ONECUT2: variants seen among roughly 807,000 people sequenced by gnomAD.
ONECUT2 encodes one cut domain family member 2.
ONECUT2 carries 10 observed loss-of-function variants against 27.9 expected under a neutral mutation model. The observed-to-expected ratio is 0.36, with a 90% confidence interval of 0.22 to 0.61. The LOEUF is 0.61. Among genes scored for constraint, ONECUT2 ranks in the 20% least tolerant of loss-of-function variants. The pLI is 0.73. For synonymous variants in ONECUT2, 334 were observed against 315.1 expected (o/e 1.06, Z -0.64); for missense variants, 686 against 721.0 (o/e 0.95, Z 0.56).
In ONECUT2 at chr18:57,435,697, C is replaced by A; in HGVS notation, c.-20C>A. 9.0e-7 allele frequency: 1 copy of A among 1,110,742 alleles called. No homozygotes were observed. Among genetic ancestry groups the A allele is most frequent in the Admixed American group, 3.8e-5 (1 of 26,108 alleles). The allele number at this position is 1,110,742 out of a possible 1,614,324, so 68.8% of individuals were successfully genotyped here. On this transcript the variant is annotated 5_prime_UTR_variant, in exon 1 of 2. Transcript: ENST00000491143. ...GGCCGCCCCCGCCGCCCCCGCCGCC[C>A]CCGGGCCCTGATGGACTGAATGAAG...
rs1401352041 is a variant in ONECUT2 at position 57,484,581 on chromosome 18, G to C, written c.*7858G>C. On this transcript the variant is annotated 3_prime_UTR_variant, in exon 2 of 2. Coordinates refer to ENST00000491143, the MANE Select transcript of ONECUT2 (RefSeq NM_004852.3). The stretch of plus-strand genomic sequence containing the variant: ...TGATTACAAATTGAGGAAGGAAACT[G>C]GTTGGAAATGGCCTTCAGTCCTAGC... The C allele has an allele frequency of 6.6e-6, 1 of 152,510 alleles. No individual in the cohort carries two copies. Among genetic ancestry groups the C allele is most frequent in the African/African-American group, 2.4e-5 (1 of 41,434 alleles). 9.4% of individuals were successfully genotyped at this position (152,510 alleles called of 1,614,324 possible). A position where few individuals can be genotyped will look rare whatever the true frequency, so the allele number is the denominator to read the frequency against.
rs763864547 is a variant in ONECUT2, at chr18:57,478,623, G to A, written c.*1900G>A. On this transcript the variant is annotated 3_prime_UTR_variant, in exon 2 of 2. Coordinates refer to ENST00000491143, the MANE Select transcript of ONECUT2 (RefSeq NM_004852.3). ...TTGAGACAAAGATAGAAATAAGGAA[G>A]AGCCTCAGTGGCTGCTGCTTCATTT... 10 of 152,656 alleles carry A rather than the reference G, an allele frequency of 6.6e-5. No individual in the cohort carries two copies. The highest frequency in any genetic ancestry group is 1.5e-4 in the Non-Finnish European group (10 of 68,050). The allele number at this position is 152,656 out of a possible 1,614,324, so 9.5% of individuals were successfully genotyped here.
chr18:57,454,454 G>A (rs2050247626), intron 1 of ONECUT2, among the ~76,000 whole-genome samples: 1 of 152,094 alleles, frequency 6.6e-6, no homozygotes, highest in Non-Finnish European at 1.5e-5. Flanking sequence ...TACTAGCTCT[G>A]TGATGTCAGG....
intron 1 of ONECUT2, among the ~76,000 whole-genome samples, chr18:57,470,111 T>G (rs2050345014): frequency 6.6e-6 from 1 of 152,230 alleles, no homozygotes; most frequent in Non-Finnish European, 1.5e-5. Context: ...GTTTGTTGGC[T>G]GGGTGTGTCT....
chr18:57,439,766 C>A (rs1036292575), intron 1 of ONECUT2, among the ~76,000 whole-genome samples: 3 of 152,152 alleles, frequency 2.0e-5, no homozygotes, highest in Non-Finnish European at 4.4e-5. Context: ...ACTCTCAGAC[C>A]GGTGCCTGGA....
rs1404489223 is a variant in ONECUT2 at position 57,490,180 on chromosome 18, A to C, written c.*13457A>C. 6 of 152,170 alleles carry C rather than the reference A, an allele frequency of 3.9e-5. No individual in the cohort carries two copies. The highest frequency in any genetic ancestry group is 8.8e-5 in the Non-Finnish European group (6 of 68,036). 9.4% of individuals were successfully genotyped at this position (152,170 alleles called of 1,614,324 possible). ...TTTTCCACCCAGACAATACTTTATT[A>C]ACACAGATACTGTAGATCCTTCCTT... On this transcript the variant is annotated 3_prime_UTR_variant, in exon 2 of 2. Coordinates refer to ENST00000491143, the MANE Select transcript of ONECUT2 (RefSeq NM_004852.3).
rs1340801482 is a variant in ONECUT2 at position 57,484,398 on chromosome 18, A to G, written c.*7675A>G. On this transcript the variant is annotated 3_prime_UTR_variant, in exon 2 of 2. Coordinates refer to ENST00000491143, the MANE Select transcript of ONECUT2 (RefSeq NM_004852.3). ...ATTTTCTCTGACATATGGTATGTACAGCCACAGCTCAGATACCCCAAAGAA... is the reference window on the plus strand; with the variant it reads ...ATTTTCTCTGACATATGGTATGTACGGCCACAGCTCAGATACCCCAAAGAA... 6.6e-6 allele frequency: 1 copy of G among 152,648 alleles called. No individual in the cohort carries two copies. The highest frequency in any genetic ancestry group is 1.5e-5 in the Non-Finnish European group (1 of 68,038). The allele number at this position is 152,648 out of a possible 1,614,324, so 9.5% of individuals were successfully genotyped here.
rs552784047 is a variant in ONECUT2 at position 57,488,862 on chromosome 18, C to G, written c.*12139C>G. ...AGGAAGAAATCTCTGTATCTGTCAG[C>G]TTTAAAGAGAACTGGGCCAAAAATC... On this transcript the variant is annotated 3_prime_UTR_variant, in exon 2 of 2. Coordinates refer to ENST00000491143, the MANE Select transcript of ONECUT2 (RefSeq NM_004852.3). 2.4e-4 allele frequency: 36 copies of G among 149,918 alleles called. No individual in the cohort carries two copies. The highest frequency in any genetic ancestry group is 8.7e-4 in the African/African-American group (36 of 41,348). The allele number at this position is 149,918 out of a possible 1,614,324, so 9.3% of individuals were successfully genotyped here. A position where few individuals can be genotyped will look rare whatever the true frequency, so the allele number is the denominator to read the frequency against.
At chr18:57,460,687 C>CT (rs66773926) in intron 1 of ONECUT2, among the ~76,000 whole-genome samples, 24,292 of 112,944 alleles carry the variant, frequency 0.22, 3,450 homozygotes, top group Non-Finnish European at 0.24. Flanking sequence ...TCATTCAAAT[C>CT]TTTTTTTTTT....
Position 57,447,336 on chromosome 18 carries a change from C to A in ONECUT2, c.1228+10392C>A, listed in dbSNP as rs146571747. On this transcript the variant is annotated intron_variant, in intron 1 of 1. Coordinates refer to ENST00000491143, the MANE Select transcript of ONECUT2 (RefSeq NM_004852.3). ...CTGTTTGAGCGAATTGGAGATGGAC[C>A]CTCTACTGCGGTTAAATCCAGGCAA... Among the ~76,000 whole-genome samples, 407 of 152,260 alleles carry A rather than the reference C, an allele frequency of 2.7e-3. 1 individual carries two copies. Among genetic ancestry groups the A allele is most frequent in the African/African-American group, 9.2e-3 (383 of 41,552 alleles).
intron 1 of ONECUT2, among the ~76,000 whole-genome samples, chr18:57,441,289 CT>C (rs774145130): frequency 6.6e-6 from 1 of 152,262 alleles, no homozygotes; most frequent in Non-Finnish European, 1.5e-5. Context: ...TTTCATTGAT[CT>C]GGAACTTGAT....
At position 57,483,000 on chromosome 18, in the gene ONECUT2, G is replaced by C. The variant is rs1404853203; in HGVS notation, c.*6277G>C. 1 of 152,150 alleles carries C rather than the reference G, an allele frequency of 6.6e-6. No homozygotes were observed. Among genetic ancestry groups the C allele is most frequent in the East Asian group, 1.9e-4 (1 of 5,170 alleles). The allele number at this position is 152,150 out of a possible 1,614,324, so 9.4% of individuals were successfully genotyped here. On this transcript the variant is annotated 3_prime_UTR_variant, in exon 2 of 2. Coordinates refer to ENST00000491143, the MANE Select transcript of ONECUT2 (RefSeq NM_004852.3). ...ATAAACTCAACTTTCAAGAAATCTT[G>C]TATATTATTTAATCATCTGTGTTAG...
At chr18:57,450,161 A>G (rs2050222201) in intron 1 of ONECUT2, among the ~76,000 whole-genome samples, 1 of 152,102 alleles carries the variant, frequency 6.6e-6, no homozygotes, top group South Asian at 2.1e-4. Flanking sequence ...TTCTCTCAAA[A>G]GGGGGTATTC....
chr18:57,474,993 G>A (rs927939360), intron 1 of ONECUT2, among the ~76,000 whole-genome samples: 18 of 150,832 alleles, frequency 1.2e-4, no homozygotes, highest in Non-Finnish European at 2.5e-4. Context: ...CCTTTCCCCA[G>A]TTTTTCCTGT....
At chr18:57,440,094 A>C (rs555787590) in intron 1 of ONECUT2, among the ~76,000 whole-genome samples, 1 of 152,356 alleles carries the variant, frequency 6.6e-6, no homozygotes, top group African/African-American at 2.4e-5. Context: ...ATTTCAGAGA[A>C]ATTGACTCCA....
Position 57,435,920 on chromosome 18 carries a change from C to T in ONECUT2, c.204C>T (p.His68=), listed in dbSNP as rs1308613929. 1.7e-6 allele frequency: 2 copies of T among 1,165,404 alleles called. No individual in the cohort carries two copies. The highest frequency in any genetic ancestry group is 3.3e-5 in the African/African-American group (2 of 61,252). 72.2% of individuals were successfully genotyped at this position (1,165,404 alleles called of 1,614,324 possible). Residue 68 remains histidine, a synonymous_variant, in exon 1 of 2, where the codon CAC becomes CAT. Coordinates refer to ENST00000491143, the MANE Select transcript of ONECUT2 (RefSeq NM_004852.3). ...EQELLASPSP[H]HAGRGAAGSL... is the part of the protein sequence containing the mutation. ...AGCTGCTGGCCAGCCCCAGCCCCCA[C>T]CACGCGGGCCGCGGCGCCGCTGGCT...
chr18:57,445,821 A>G (rs2050198179), intron 1 of ONECUT2, among the ~76,000 whole-genome samples: 1 of 152,252 alleles, frequency 6.6e-6, no homozygotes, highest in Admixed American at 6.5e-5. Flanking sequence ...TTAAAAAACC[A>G]AAGCAAAGCA....
intron 1 of ONECUT2, among the ~76,000 whole-genome samples, chr18:57,471,452 G>T (rs663460): frequency 0.7 from 105,878 of 152,036 alleles, 38,827 homozygotes; most frequent in East Asian, 0.91. Context: ...TTCTTGGAAA[G>T]GCACTTTGTT....
At position 57,436,265 on chromosome 18, in the gene ONECUT2, C is replaced by G; in HGVS notation, c.549C>G (p.His183Gln). 1.2e-6 allele frequency: 2 copies of G among 1,603,980 alleles called. No individual in the cohort carries two copies. The change falls in exon 1 of 2, where the codon CAC becomes CAG. Residue 183 changes from histidine (H) to glutamine (Q), a missense_variant. By Grantham distance (24) the His-to-Gln change is conservative. Around this residue, in one of 4 missense-constraint regions of ONECUT2, gnomAD observed 511 missense variants for 488.1 expected, o/e 1.05. Transcript: ENST00000491143. This position sits in a 1 kb window ranked among gnomAD's most constrained non-coding sequence, Gnocchi z 5.9. ...HHHPHHHHHHHHQRLSGNVSG... is the reference protein window; with the variant it reads ...HHHPHHHHHHQHQRLSGNVSG... ...ATCCGCACCACCACCACCACCACCA[C>G]CACCAGCGCCTGTCCGGCAACGTCA...
Sources: gnomAD v4.1 joint callset for allele counts (sites outside exome capture counted in the v4.1 genomes callset) on GRCh38, gnomAD v4.1.1 for gene constraint, gnomAD v4.1.1 regional missense constraint, Gnocchi (gnomAD v3.1) non-coding constraint, MANE v1.5 for transcripts, NCBI Gene and HGNC (gene_info 2026-07-23, HGNC 2026-07-21) for gene names.